Variants in HPSE2 observed in about 807,000 individuals in gnomAD.
HPSE2 encodes the protein heparanase 2 (inactive), also known as inactive heparanase-2.
A neutral mutation model predicts 60.5 loss-of-function variants in HPSE2; 38 were observed. The ratio of observed to expected loss-of-function variants is 0.63; its 90% CI spans 0.48 to 0.82. HPSE2 has a LOEUF of 0.82. HPSE2 is among the 40% of genes least tolerant of loss of function. The pLI is 0.00. For synonymous variants in HPSE2, 295 were observed against 293.2 expected (o/e 1.01, Z -0.06); for missense variants, 713 against 740.4 (o/e 0.96, Z 0.43).
chr10:99,186,155 A>AC (rs1294707362), intron 2 of HPSE2, among the ~76,000 whole-genome samples: 2 of 45,978 alleles, frequency 4.3e-5, no homozygotes, highest in African/African-American at 9.6e-5. Flanking sequence ...CACACACACA[A>AC]GGCATATCAT....
chr10:99,280,404 G>C, the HPSE2 span, among the ~76,000 whole-genome samples: 3 of 152,190 alleles, frequency 2.0e-5, no homozygotes, highest in Admixed American at 6.5e-5. Context: ...CTGCTGTATA[G>C]TAATGCCTCA....
At chr10:98,705,195 C>T (rs1043633739) in intron 5 of HPSE2, among the ~76,000 whole-genome samples, 1 of 152,092 alleles carries the variant, frequency 6.6e-6, no homozygotes, top group African/African-American at 2.4e-5. Context: ...CAAATCAAAA[C>T]CACAATGAGA....
At chr10:98,570,964 CAT>C (rs1944477721) in intron 9 of HPSE2, among the ~76,000 whole-genome samples, 1 of 152,146 alleles carries the variant, frequency 6.6e-6, no homozygotes, top group Non-Finnish European at 1.5e-5. Flanking sequence ...AATCTAATGA[CAT>C]ATGCTTGTTG....
At chr10:98,995,233 A>G (rs547111296) in intron 3 of HPSE2, among the ~76,000 whole-genome samples, 1 of 152,190 alleles carries the variant, frequency 6.6e-6, no homozygotes, top group Non-Finnish European at 1.5e-5. Flanking sequence ...TATTACCTGC[A>G]TCTAGTCAGC....
At chr10:98,537,715 G>C (rs1264282386) in intron 9 of HPSE2, among the ~76,000 whole-genome samples, 2 of 152,132 alleles carry the variant, frequency 1.3e-5, no homozygotes, top group South Asian at 4.1e-4. Flanking sequence ...AGCAGACCGC[G>C]AAAGGGAGTC....
intron 3 of HPSE2, among the ~76,000 whole-genome samples, chr10:99,103,307 A>G (rs1047437546): frequency 2.0e-5 from 3 of 152,202 alleles, no homozygotes; most frequent in African/African-American, 4.8e-5. Context: ...AAATCAATGT[A>G]CAAAAATCAC....
intron 11 of HPSE2, among the ~76,000 whole-genome samples, chr10:98,462,210 G>A (rs762572800): frequency 6.6e-6 from 1 of 151,952 alleles, no homozygotes; most frequent in African/African-American, 2.4e-5. Flanking sequence ...ATGGAGTCTC[G>A]ATCTGTTGCC....
At chr10:98,798,505 A>T (rs1950831492) in intron 3 of HPSE2, among the ~76,000 whole-genome samples, 1 of 152,256 alleles carries the variant, frequency 6.6e-6, no homozygotes, top group Admixed American at 6.5e-5. Flanking sequence ...AATCAGAAAC[A>T]ATAACTACAA....
At chr10:98,832,109 TC>T (rs1260948518) in intron 3 of HPSE2, among the ~76,000 whole-genome samples, 1 of 152,084 alleles carries the variant, frequency 6.6e-6, no homozygotes, top group Admixed American at 6.5e-5. Flanking sequence ...CTCAGTGAGG[TC>T]TGGGTTCAAT....
At chr10:99,188,398 T>C (rs1229282040) in intron 2 of HPSE2, among the ~76,000 whole-genome samples, 1 of 152,142 alleles carries the variant, frequency 6.6e-6, no homozygotes, top group African/African-American at 2.4e-5. Flanking sequence ...AATTATATAC[T>C]TAAAAATTGG....
chr10:99,302,640 T>C, the HPSE2 span, among the ~76,000 whole-genome samples: 1 of 152,066 alleles, frequency 6.6e-6, no homozygotes, highest in Non-Finnish European at 1.5e-5. Context: ...CAACAAACTT[T>C]TTCCTCCCAA....
chr10:99,061,949 T>C (rs1842457159), intron 3 of HPSE2, among the ~76,000 whole-genome samples: 1 of 152,190 alleles, frequency 6.6e-6, no homozygotes, highest in Admixed American at 6.5e-5. Context: ...TGCATATGAC[T>C]ATAGTAAGGT....
intron 9 of HPSE2, among the ~76,000 whole-genome samples, chr10:98,593,547 T>A (rs2133947752): frequency 6.6e-6 from 1 of 152,200 alleles, no homozygotes; most frequent in South Asian, 2.1e-4. Flanking sequence ...CAGGGGAAGA[T>A]TCAGAAGACT....
chr10:99,202,705 T>C (rs1234208238), intron 2 of HPSE2, among the ~76,000 whole-genome samples: 2 of 152,168 alleles, frequency 1.3e-5, no homozygotes, highest in Non-Finnish European at 2.9e-5. Context: ...GTCAGCAAGA[T>C]GGTAGAATAA....
the HPSE2 span, among the ~76,000 whole-genome samples, chr10:99,262,350 T>G: frequency 2.6e-5 from 4 of 152,198 alleles, no homozygotes; most frequent in African/African-American, 9.7e-5. Flanking sequence ...CCTTGTTACG[T>G]TGAGACATTT....
chr10:98,582,814 A>T (rs1944837765), intron 9 of HPSE2, among the ~76,000 whole-genome samples: 1 of 152,196 alleles, frequency 6.6e-6, no homozygotes, highest in Non-Finnish European at 1.5e-5. Context: ...GTATGTCTAC[A>T]GTAGTGTAAC....
intron 3 of HPSE2, among the ~76,000 whole-genome samples, chr10:99,069,960 G>T (rs935892349): frequency 2.2e-4 from 34 of 152,080 alleles, no homozygotes; most frequent in African/African-American, 8.0e-4. Flanking sequence ...TGCGTATCTA[G>T]GCATTGAGGA....
chr10:98,667,142 T>C (rs1947384984), intron 6 of HPSE2, among the ~76,000 whole-genome samples: 1 of 152,114 alleles, frequency 6.6e-6, no homozygotes, highest in Non-Finnish European at 1.5e-5. Context: ...GGGACTATTA[T>C]GAACACCTCT....
intron 3 of HPSE2, among the ~76,000 whole-genome samples, chr10:98,944,467 C>T (rs1955120916): frequency 6.6e-6 from 1 of 152,110 alleles, no homozygotes; most frequent in South Asian, 2.1e-4. Flanking sequence ...GTAGCACTGC[C>T]TTAGGTGAAT....
Sources: gnomAD v4.1 joint callset for allele counts (sites outside exome capture counted in the v4.1 genomes callset) on GRCh38, gnomAD v4.1.1 for gene constraint, MANE v1.5 for transcripts, NCBI Gene and HGNC (gene_info 2026-07-23, HGNC 2026-07-21) for gene names.